Variants in SLC17A5 observed in about 807,000 individuals in gnomAD.
The protein encoded by SLC17A5 is sialin.
SLC17A5 carries 47 observed loss-of-function variants against 59.4 expected under a neutral mutation model. That is an observed-to-expected ratio of 0.79 (90% confidence interval 0.63 to 1.01). SLC17A5 has a LOEUF of 1.01. Ranked by LOEUF, SLC17A5 falls within the 50% of genes least tolerant of loss-of-function variation. The pLI is 0.00. For synonymous variants in SLC17A5, 202 were observed against 210.7 expected (o/e 0.96, Z 0.36); for missense variants, 522 against 595.5 (o/e 0.88, Z 1.28).
At chr6:73,632,819 T>C (rs1176044845) in intron 6 of SLC17A5, among the ~76,000 whole-genome samples, 1 of 149,572 alleles carries the variant, frequency 6.7e-6, no homozygotes, top group South Asian at 2.1e-4. Flanking sequence ...AAATGAAATA[T>C]TGGAGAAAGC....
In SLC17A5 at chr6:73,619,347, T is replaced by C. The variant is rs151252253; in HGVS notation, c.978+2457A>G. On this transcript the variant is annotated intron_variant, in intron 7 of 10. Coordinates refer to ENST00000355773, the MANE Select transcript of SLC17A5 (RefSeq NM_012434.5). ...CAGAGTATAATAAAGCAAAGTGCAATAAAAGGAGGCATGCCACGCTTCTCA... is the reference window on the plus strand; with the variant it reads ...CAGAGTATAATAAAGCAAAGTGCAACAAAAGGAGGCATGCCACGCTTCTCA... Among the ~76,000 whole-genome samples the C allele has an allele frequency of 2.3e-3, 337 of 143,790 alleles. 2 individuals carry two copies. The highest frequency in any genetic ancestry group is 8.9e-3 in the African/African-American group (327 of 36,684). 94.3% of individuals were successfully genotyped at this position (143,790 alleles called of 152,430 possible).
intron 10 of SLC17A5, among the ~76,000 whole-genome samples, chr6:73,596,030 T>C (rs956081237): frequency 6.6e-6 from 1 of 151,720 alleles, no homozygotes; most frequent in Non-Finnish European, 1.5e-5. Context: ...GGTCTTGAAC[T>C]CCTGGGCTCA....
intron 1 of SLC17A5, among the ~76,000 whole-genome samples, chr6:73,646,864 C>A (rs518566): frequency 0.16 from 24,618 of 151,952 alleles, 3,054 homozygotes; most frequent in African/African-American, 0.34. Flanking sequence ...CTTGTAGAGT[C>A]GGGGTCTCAC....
chr6:73,644,925 A>G (rs1298835797), intron 1 of SLC17A5, among the ~76,000 whole-genome samples: 1 of 152,196 alleles, frequency 6.6e-6, no homozygotes, highest in Non-Finnish European at 1.5e-5. Flanking sequence ...TGTTTCTCAT[A>G]TCTGTAGTTT....
intron 10 of SLC17A5, among the ~76,000 whole-genome samples, chr6:73,596,713 G>A (rs977445491): frequency 8.6e-5 from 13 of 151,926 alleles, no homozygotes; most frequent in East Asian, 5.8e-4. Flanking sequence ...AAAATTAGCC[G>A]GGCGTGGTGG....
chr6:73,595,237 C>CA (rs1561982085), intron 10 of SLC17A5, 23 bp from the exon 11 acceptor site: 1 of 1,613,282 alleles, frequency 6.2e-7, no homozygotes, highest in Admixed American at 1.7e-5. Flanking sequence ...ACAAAAAATG[C>CA]AAGTGAAATA....
intron 9 of SLC17A5, among the ~76,000 whole-genome samples, chr6:73,609,247 T>C (rs898965159): frequency 2.6e-5 from 4 of 152,186 alleles, no homozygotes; most frequent in African/African-American, 4.8e-5. Flanking sequence ...CACAAAATGG[T>C]TTTAGAAGTA....
chr6:73,644,702 G>A, intron 1 of SLC17A5, 99 bp from the exon 2 acceptor site: 1 of 1,160,366 alleles, frequency 8.6e-7, no homozygotes, highest in Non-Finnish European at 1.2e-6. Context: ...GAACTCCTGG[G>A]CTCAAGCCAT....
intron 6 of SLC17A5, among the ~76,000 whole-genome samples, chr6:73,626,115 G>T (rs1768398807): frequency 6.6e-6 from 1 of 152,160 alleles, no homozygotes; most frequent in Admixed American, 6.5e-5. Flanking sequence ...TCTGAAGAAT[G>T]TACCCTACCT....
At chr6:73,618,095 G>C (rs1463444311) in intron 7 of SLC17A5, among the ~76,000 whole-genome samples, 1 of 151,670 alleles carries the variant, frequency 6.6e-6, no homozygotes, top group East Asian at 1.9e-4. Flanking sequence ...CAGGTGTGGT[G>C]GCACACACCT....
intron 7 of SLC17A5, among the ~76,000 whole-genome samples, chr6:73,621,473 A>G (rs574307922): frequency 6.6e-6 from 1 of 152,236 alleles, no homozygotes; most frequent in Non-Finnish European, 1.5e-5. Context: ...CTTATTGGCC[A>G]TCTGTGTATC....
At chr6:73,628,588 A>G (rs764393829) in intron 6 of SLC17A5, among the ~76,000 whole-genome samples, 2 of 22,964 alleles carry the variant, frequency 8.7e-5, no homozygotes, top group African/African-American at 1.7e-4. Context: ...CCCACCCCCC[A>G]AAAAGGAAAA....
chr6:73,605,742 T>C (rs78612427), intron 9 of SLC17A5, among the ~76,000 whole-genome samples: 16,216 of 150,342 alleles, frequency 0.11, 1,049 homozygotes, highest in Middle Eastern at 0.18. Flanking sequence ...CTTTGGGAGG[T>C]TGAGGCTGGC....
At chr6:73,614,390 T>C (rs1477055910) in intron 8 of SLC17A5, among the ~76,000 whole-genome samples, 1 of 152,166 alleles carries the variant, frequency 6.6e-6, no homozygotes, top group Non-Finnish European at 1.5e-5. Context: ...CGGGGCAACA[T>C]AGCAAGACCC....
At chr6:73,627,318 G>A (rs979950005) in intron 6 of SLC17A5, among the ~76,000 whole-genome samples, 18 of 152,028 alleles carry the variant, frequency 1.2e-4, no homozygotes, top group African/African-American at 3.9e-4. Flanking sequence ...CTCGTGATCT[G>A]CGTGCCTCAG....
At position 73,621,918 on chromosome 6, in the gene SLC17A5, G is replaced by C. The variant is rs1392111099; in HGVS notation, c.864C>G (p.Ser288=). 3.7e-6 allele frequency: 6 copies of C among 1,613,974 alleles called. No individual in the cohort carries two copies. Among genetic ancestry groups the C allele is most frequent in the Middle Eastern group, 1.7e-4 (1 of 6,058 alleles). The change falls in exon 7 of 11, where the codon TCC becomes TCG. Residue 288 remains serine, a synonymous_variant. Coordinates refer to ENST00000355773, the MANE Select transcript of SLC17A5 (RefSeq NM_012434.5). ...CAACTACGATAGCCCAAAGTGGCAGGGATTTTAAAATGGGTACCCACGGCA... is the reference window on the plus strand; with the variant it reads ...CAACTACGATAGCCCAAAGTGGCAGCGATTTTAAAATGGGTACCCACGGCA... The part of the protein sequence containing the change: ...KSVPWVPILK[S]LPLWAIVVAH...
In SLC17A5 at chr6:73,601,876, C is replaced by T. The variant is rs1416734413; in HGVS notation, c.1260-1435G>A. Among the ~76,000 whole-genome samples the T allele has an allele frequency of 1.4e-4, 21 of 151,184 alleles. No homozygotes were observed. The South Asian group carries it at 1.9e-3, about 14-fold the overall frequency. ...CCGGGAGGTGAGGGGCGCCTCTGCC[C>T]GGCCGCCCCTACTGGGAAGTGAGGA... On this transcript the variant is annotated intron_variant, in intron 9 of 10. Coordinates refer to ENST00000355773, the MANE Select transcript of SLC17A5 (RefSeq NM_012434.5).
chr6:73,600,277 TA>T, intron 10 of SLC17A5, 73 bp downstream of exon 10: 1 of 1,137,518 alleles, frequency 8.8e-7, no homozygotes, highest in South Asian at 1.3e-5. Flanking sequence ...TAAACTTAAT[TA>T]AAATACACTG....
At position 73,653,947 on chromosome 6, in the gene SLC17A5, C is replaced by G; in HGVS notation, c.-61G>C. The G allele has an allele frequency of 6.9e-7, 1 of 1,439,788 alleles. No homozygotes were observed. The highest frequency in any genetic ancestry group is 1.2e-5 in the South Asian group (1 of 81,740). The allele number at this position is 1,439,788 out of a possible 1,614,324, so 89.2% of individuals were successfully genotyped here. On this transcript the variant is annotated 5_prime_UTR_variant, in exon 1 of 11. Coordinates refer to ENST00000355773, the MANE Select transcript of SLC17A5 (RefSeq NM_012434.5). Reference sequence around the variant, plus strand: ...AGAGAAGGGAGCGCCGGCCCGACAGCCCGAAGCCCCCGGGCCGAGCTGGCT... The same window carrying G: ...AGAGAAGGGAGCGCCGGCCCGACAGGCCGAAGCCCCCGGGCCGAGCTGGCT...
Sources: gnomAD v4.1 joint callset for allele counts (sites outside exome capture counted in the v4.1 genomes callset) on GRCh38, gnomAD v4.1.1 for gene constraint, MANE v1.5 for transcripts, NCBI Gene and HGNC (gene_info 2026-07-23, HGNC 2026-07-21) for gene names.